The following HEATR4 variants were observed in gnomAD, a reference collection of about 807,000 sequenced individuals.
The protein encoded by HEATR4 is HEAT repeat-containing protein 4.
A neutral mutation model predicts 108.8 loss-of-function variants in HEATR4; 95 were observed. That is an observed-to-expected ratio of 0.87 (90% CI 0.74 to 1.04). The LOEUF is 1.04. Among genes scored for constraint, HEATR4 ranks in the 50% least tolerant of loss-of-function variants. HEATR4 has a pLI of 0.00. For missense variants in HEATR4, 1,152 were observed against 1,253.8 expected (o/e 0.92, Z 1.23); for synonymous variants, 443 against 459.4 (o/e 0.96, Z 0.46).
chr14:73,492,956 T>C lies in HEATR4; in HGVS notation c.2844+110A>G. On this transcript the variant is annotated intron_variant, in intron 17 of 17. Transcript: ENST00000553558. This position sits in a 1 kb window ranked among gnomAD's most constrained non-coding sequence, Gnocchi z 4.9. ...AGCCCTAAATTAGTTTCTTGTTGATTGCTGGAAACAAGGCAGTAGTGATTC... is the reference window on the plus strand; with the variant it reads ...AGCCCTAAATTAGTTTCTTGTTGATCGCTGGAAACAAGGCAGTAGTGATTC... 6.2e-7 allele frequency: 1 copy of C among 1,610,944 alleles called. No individual in the cohort carries two copies. The highest frequency in any genetic ancestry group is 8.5e-7 in the Non-Finnish European group (1 of 1,178,430).
At chr14:73,533,445 G>A (rs35719974) in intron 1 of HEATR4, among the ~76,000 whole-genome samples, 36,941 of 113,896 alleles carry the variant, frequency 0.32, 14,296 homozygotes, top group Admixed American at 0.48. Flanking sequence ...TTGGGAGGCC[G>A]AGGAGGGTAG....
chr14:73,502,988 A>G lies in HEATR4; in HGVS notation c.2012T>C (p.Leu671Pro). 6.2e-7 allele frequency: 1 copy of G among 1,613,838 alleles called. No individual in the cohort carries two copies. The highest frequency in any genetic ancestry group is 2.2e-5 in the East Asian group (1 of 44,884). ...TTCCTTATTCCAGTCATTCCACATC[A>G]GCTGGATCAACTTATGTTTCATATC... is the stretch of plus-strand genomic sequence containing the variant. ...CLDMKHKLIQLMWNDWNKEVR... is the reference protein window; with the variant it reads ...CLDMKHKLIQPMWNDWNKEVR... The change falls in exon 11 of 18, where the codon CTG (leucine) becomes CCG (proline). Residue 671 changes from leucine (L) to proline (P), a missense_variant. Physicochemically the swap from Leu to Pro is moderately conservative, Grantham distance 98. Transcript: ENST00000553558.
intron 17 of HEATR4, chr14:73,491,148 G>A: frequency 1.9e-6 from 3 of 1,607,876 alleles, no homozygotes; most frequent in East Asian, 2.2e-5. Flanking sequence ...AAGCAGCTGC[G>A]AAGTGTTGTA....
At chr14:73,479,874 G>A (rs2140238149) in intron 17 of HEATR4, among the ~76,000 whole-genome samples, 1 of 152,172 alleles carries the variant, frequency 6.6e-6, no homozygotes, top group South Asian at 2.1e-4. Context: ...CATGCCCAGA[G>A]ATTATTCTTT....
the HEATR4 span, among the ~76,000 whole-genome samples, chr14:73,621,869 T>C: frequency 3.3e-5 from 5 of 150,086 alleles, no homozygotes; most frequent in Non-Finnish European, 7.4e-5. Flanking sequence ...GCTCAAGTGA[T>C]CTTCTCACCT....
rs111750737 is a variant in HEATR4 at position 73,492,511 on chromosome 14, C to T, written c.2844+555G>A. ...ACTTTGCTCCTGTTGATGCTGTGGC[C>T]GACCAGCGAGCCAAAGACTTCATTC... On this transcript the variant is annotated intron_variant, in intron 17 of 17. Transcript: ENST00000553558. This position sits in a 1 kb window ranked among gnomAD's most constrained non-coding sequence, Gnocchi z 4.9. 7,112 of 1,613,394 alleles carry T rather than the reference C, an allele frequency of 4.4e-3. 22 individuals carry two copies. Among genetic ancestry groups the T allele is most frequent in the Non-Finnish European group, 4.8e-3 (5,651 of 1,179,644 alleles).
intron 12 of HEATR4, 76 bp from the exon 13 acceptor site, chr14:73,499,216 C>T: frequency 2.3e-6 from 3 of 1,279,918 alleles, no homozygotes; most frequent in Non-Finnish European, 2.3e-6. Flanking sequence ...TGCGGTGGTG[C>T]ACCCCTGTAA....
At chr14:73,541,617 A>C in intron 1 of HEATR4, 3 of 1,243,200 alleles carry the variant, frequency 2.4e-6, no homozygotes, top group Non-Finnish European at 3.2e-6. Flanking sequence ...ATAACTATGA[A>C]GACCTCCCCA....
At chr14:73,490,764 T>C (rs1885654191) in intron 17 of HEATR4, among the ~76,000 whole-genome samples, 1 of 152,246 alleles carries the variant, frequency 6.6e-6, no homozygotes, top group Non-Finnish European at 1.5e-5. Context: ...CGCAACTTGA[T>C]TTTTAAATTG....
At chr14:73,608,371 G>A in the HEATR4 span, among the ~76,000 whole-genome samples, 1 of 152,068 alleles carries the variant, frequency 6.6e-6, no homozygotes, top group Non-Finnish European at 1.5e-5. Flanking sequence ...CAGATCTCTG[G>A]GGCAGGGGCA....
chr14:73,569,639 C>T, the HEATR4 span: 3 of 1,603,170 alleles, frequency 1.9e-6, no homozygotes, highest in Admixed American at 1.7e-5. Context: ...TGGGCGGCAG[C>T]TTCGCGGGGC....
rs574510896 is a variant in HEATR4, at chr14:73,524,961, T to C, written c.-72-1737A>G. On this transcript the variant is annotated intron_variant, in intron 2 of 17. Transcript: ENST00000553558. ...GCATGATTTCTCTTACTGTCTTCCA[T>C]GTGTAAAAGTGACCGTATTGTATTT... Among the ~76,000 whole-genome samples the C allele has an allele frequency of 5.2e-4, 79 of 152,290 alleles. 1 individual carries two copies. The highest frequency in any genetic ancestry group is 1.8e-4 in the Non-Finnish European group (12 of 68,022).
chr14:73,575,483 C>G, the HEATR4 span: 298 of 1,499,704 alleles, frequency 2.0e-4, no homozygotes, highest in African/African-American at 4.0e-3. Flanking sequence ...ACTTGGGTGG[C>G]CACGAGGGGA....
chr14:73,495,493 G>T, intron 15 of HEATR4, 106 bp from the exon 16 acceptor site: 1 of 920,424 alleles, frequency 1.1e-6, no homozygotes, highest in Non-Finnish European at 1.6e-6. Flanking sequence ...TGAGGAGGGA[G>T]GATCACTTGA....
chr14:73,498,934 G>T, intron 13 of HEATR4, 137 bp downstream of exon 13: 2 of 742,786 alleles, frequency 2.7e-6, no homozygotes, highest in Non-Finnish European at 4.6e-6. Context: ...TCTCTTTTCA[G>T]ACAAGGAACT....
At chr14:73,613,154 T>A in the HEATR4 span, 1 of 468,756 alleles carries the variant, frequency 2.1e-6, no homozygotes, top group Non-Finnish European at 3.7e-6. Context: ...TGTCATGGAT[T>A]CTGAGTCTGG....
chr14:73,562,235 G>A (rs1326707926), upstream of HEATR4, among the ~76,000 whole-genome samples: 2 of 151,998 alleles, frequency 1.3e-5, no homozygotes, highest in Non-Finnish European at 1.5e-5. Flanking sequence ...TGGAGCCGCG[G>A]CAGAGGAACA....
chr14:73,624,687 A>G, the HEATR4 span, among the ~76,000 whole-genome samples: 1 of 152,324 alleles, frequency 6.6e-6, no homozygotes, highest in African/African-American at 2.4e-5. Context: ...AATATTTTCA[A>G]GGATGCTTCT....
chr14:73,510,442 GT>G (rs534233886), intron 7 of HEATR4, among the ~76,000 whole-genome samples: 5 of 146,850 alleles, frequency 3.4e-5, no homozygotes, highest in African/African-American at 7.4e-5. Context: ...TTTTGTTTTT[GT>G]TTTTTTTTTG....
Sources: gnomAD v4.1 joint callset for allele counts (sites outside exome capture counted in the v4.1 genomes callset) on GRCh38, gnomAD v4.1.1 for gene constraint, Gnocchi (gnomAD v3.1) non-coding constraint, MANE v1.5 for transcripts, NCBI Gene and HGNC (gene_info 2026-07-23, HGNC 2026-07-21) for gene names.